RPS6KL1: variants seen among roughly 807,000 people sequenced by gnomAD.
RPS6KL1 encodes the protein ribosomal protein S6 kinase like 1, also known as ribosomal protein S6 kinase-like 1.
Under a neutral mutation model 57.0 loss-of-function variants are expected in RPS6KL1, and 41 were observed. The observed-to-expected ratio is 0.72, with a 90% CI of 0.56 to 0.93. RPS6KL1 has a LOEUF of 0.93. Among genes scored for constraint, RPS6KL1 ranks in the 40% least tolerant of loss-of-function variants. The probability of loss-of-function intolerance (pLI) is 0.00; values close to 1 mark genes in which losing one functional copy is unlikely to be tolerated. For missense variants in RPS6KL1, 697 were observed against 727.7 expected (o/e 0.96, Z 0.49); for synonymous variants, 287 against 309.7 (o/e 0.93, Z 0.77).
chr14:74,910,445 ACT>A, intron 7 of RPS6KL1: 1 of 292,726 alleles, frequency 3.4e-6, no homozygotes, highest in Non-Finnish European at 6.3e-6. Context: ...TAGTGTGAAC[ACT>A]GTTTTTAGGG....
intron 10 of RPS6KL1, 78 bp from the exon 11 acceptor site, chr14:74,907,608 T>C (rs1195894940): frequency 3.6e-6 from 5 of 1,384,252 alleles, no homozygotes; most frequent in Non-Finnish European, 4.9e-6. Flanking sequence ...AGGATTTTTT[T>C]TCCCCATGTC....
At position 74,922,190 on chromosome 14, in the gene RPS6KL1, T is replaced by C. The variant is rs1461477716; in HGVS notation, c.-233A>G. The C allele has an allele frequency of 1.0e-6, 1 of 987,288 alleles. No individual in the cohort carries two copies. The highest frequency in any genetic ancestry group is 1.2e-6 in the Non-Finnish European group (1 of 831,122). The allele number at this position is 987,288 out of a possible 1,614,324, so 61.2% of individuals were successfully genotyped here. A position where few individuals can be genotyped will look rare whatever the true frequency, so the allele number is the denominator to read the frequency against. ...AGGATATCTGTGATCCACAGCCACC[T>C]TCACAGGGCCTCCGTAGAGCAAGCT... On this transcript the variant is annotated 5_prime_UTR_variant, in exon 2 of 12. Coordinates refer to ENST00000557413, the MANE Select transcript of RPS6KL1 (RefSeq NM_031464.5).
rs1300198737 is a variant in RPS6KL1 at position 74,911,374 on chromosome 14, G to A, written c.538C>T (p.Pro180Ser). The change falls in exon 7 of 12, where the codon CCC becomes TCC. Residue 180 changes from proline to serine, a missense_variant. Transcript: ENST00000557413. ...TCCCTGCTCACCATGTGGCACCTGG[G>A]TAGGCTCTGGGAGCAGCAGGGCAGG... is the stretch of plus-strand genomic sequence containing the variant. ...TGGTFVVKSL[P>S]RCHMVSRERL... is the part of the protein sequence containing the mutation. The A allele has an allele frequency of 3.7e-6, 6 of 1,605,702 alleles. No individual in the cohort carries two copies. In the African/African-American group the frequency reaches 5.3e-5, roughly 14 times the overall value.
At chr14:74,918,466 T>C (rs1475721847) in intron 5 of RPS6KL1, 47 bp downstream of exon 5, 1 of 1,365,918 alleles carries the variant, frequency 7.3e-7, no homozygotes, top group South Asian at 1.4e-5. Flanking sequence ...CCACCCCAAA[T>C]TGCATACACT....
chr14:74,909,424 GCT>G, intron 8 of RPS6KL1, 117 bp downstream of exon 8: 1 of 1,346,684 alleles, frequency 7.4e-7, no homozygotes, highest in Non-Finnish European at 1.0e-6. Context: ...CCCCTGAAAG[GCT>G]GGCTGGGGCC....
intron 5 of RPS6KL1, among the ~76,000 whole-genome samples, chr14:74,915,305 T>C (rs984043033): frequency 5.3e-5 from 8 of 152,200 alleles, no homozygotes; most frequent in African/African-American, 1.4e-4. Context: ...GAGGATTTAA[T>C]GCCACAGCTC....
chr14:74,918,946 C>A (rs924160783), intron 4 of RPS6KL1, among the ~76,000 whole-genome samples: 2 of 152,184 alleles, frequency 1.3e-5, no homozygotes, highest in African/African-American at 2.4e-5. Flanking sequence ...GAGGCCGAGG[C>A]GGGCAGATCA....
At chr14:74,908,574 G>A (rs144043153) in intron 10 of RPS6KL1, among the ~76,000 whole-genome samples, 28 of 152,286 alleles carry the variant, frequency 1.8e-4, no homozygotes, top group East Asian at 1.7e-3. Flanking sequence ...GTCACATTCC[G>A]CGCTTCCTCC....
At chr14:74,921,685 C>T in intron 2 of RPS6KL1, 124 bp from the exon 3 acceptor site, 1 of 1,451,028 alleles carries the variant, frequency 6.9e-7, no homozygotes, top group Non-Finnish European at 9.0e-7. Context: ...GGGGTCAGAG[C>T]TAAAGTGGGT....
chr14:74,908,232 A>C (rs1442051889), intron 10 of RPS6KL1, among the ~76,000 whole-genome samples: 1 of 152,180 alleles, frequency 6.6e-6, no homozygotes, highest in African/African-American at 2.4e-5. Context: ...GCTCAAATGC[A>C]ATTTGGCCTC....
chr14:74,907,571 AGG>A, intron 10 of RPS6KL1, 41 bp from the exon 11 acceptor site: 2 of 1,535,132 alleles, frequency 1.3e-6, no homozygotes, highest in African/African-American at 2.7e-5. Flanking sequence ...AGGCAACCCC[AGG>A]ACCGTCTACA....
intron 9 of RPS6KL1, 60 bp downstream of exon 9, chr14:74,909,041 G>A: frequency 6.3e-7 from 1 of 1,588,930 alleles, no homozygotes; most frequent in Middle Eastern, 1.7e-4. Context: ...CAGACTCTGG[G>A]CACAACCCAC....
In RPS6KL1 at chr14:74,906,423, TG is replaced by T. The variant is rs1884863287; in HGVS notation, c.*590del. The T allele has an allele frequency of 5.1e-6, 1 of 196,430 alleles. No individual in the cohort carries two copies. The highest frequency in any genetic ancestry group is 2.8e-5 in the South Asian group (1 of 35,416). 12.2% of individuals were successfully genotyped at this position (196,430 alleles called of 1,614,324 possible). A position where few individuals can be genotyped will look rare whatever the true frequency, so the allele number is the denominator to read the frequency against. ...GGAATCGGGGGTGGGGGGGTGGGGG[TG>T]GGGGTCATCCTGTCCCCTACCTCAT... On this transcript the variant is annotated 3_prime_UTR_variant, in exon 12 of 12. Transcript: ENST00000557413.
chr14:74,910,018 A>C lies in RPS6KL1; in HGVS notation c.795T>G (p.Leu265=). ...CCTGGCCAGGGGCATGGCCTGAGGGAAGCCTCGCTGGGGTCAGGAGGTTGA... is the reference window on the plus strand; with the variant it reads ...CCTGGCCAGGGGCATGGCCTGAGGGCAGCCTCGCTGGGGTCAGGAGGTTGA... ...PHLNLLTPAR[L]PSGHAPGQDR... Residue 265 remains leucine (L), a synonymous_variant, in exon 8 of 12, where the codon CTT becomes CTG. Transcript: ENST00000557413. 1 of 1,613,796 alleles carries C rather than the reference A, an allele frequency of 6.2e-7. No individual in the cohort carries two copies. Among genetic ancestry groups the C allele is most frequent in the Non-Finnish European group, 8.5e-7 (1 of 1,179,890 alleles).
chr14:74,907,348 C>T (rs1342838241), intron 11 of RPS6KL1, 87 bp downstream of exon 11: 21 of 1,506,536 alleles, frequency 1.4e-5, no homozygotes, highest in Middle Eastern at 4.4e-4. Context: ...GAGCACGAAG[C>T]ACACGTGGTT....
At chr14:74,909,255 G>T in intron 8 of RPS6KL1, 65 bp from the exon 9 acceptor site, 1 of 1,491,158 alleles carries the variant, frequency 6.7e-7, no homozygotes, top group Non-Finnish European at 9.3e-7. Flanking sequence ...GGAGGGGGTT[G>T]CAGGGCTTCC....
chr14:74,911,203 C>A (rs1235509195), intron 7 of RPS6KL1, 45 bp downstream of exon 7: 1 of 1,594,790 alleles, frequency 6.3e-7, no homozygotes, highest in Admixed American at 1.7e-5. Flanking sequence ...TGACGACATA[C>A]CCCAAAGGCC....
In RPS6KL1 at chr14:74,906,584, A is replaced by G; in HGVS notation, c.*430T>C. The G allele has an allele frequency of 1.9e-6, 1 of 530,510 alleles. No homozygotes were observed. The highest frequency in any genetic ancestry group is 3.9e-6 in the Non-Finnish European group (1 of 258,852). 32.9% of individuals were successfully genotyped at this position (530,510 alleles called of 1,614,324 possible). A position where few individuals can be genotyped will look rare whatever the true frequency, so the allele number is the denominator to read the frequency against. On this transcript the variant is annotated 3_prime_UTR_variant, in exon 12 of 12. Transcript: ENST00000557413. ...CAGTCTGGTTTGGGTCCACTGAGCC[A>G]GTGGATCAGTGTCCTGAGATGAGTC... is the stretch of plus-strand genomic sequence containing the variant.
chr14:74,909,469 G>A lies in RPS6KL1; in HGVS notation c.1270+74C>T, dbSNP rs143858086. On this transcript the variant is annotated intron_variant, in intron 8 of 11. Transcript: ENST00000557413. ...AGCAGACAACCTTGGAGGTCCCCTC[G>A]ACTTTGGGGATCTCTCGTCCTCTGC... 2.6e-3 allele frequency: 3,938 copies of A among 1,508,332 alleles called. 7 individuals carry two copies. Among genetic ancestry groups the A allele is most frequent in the Middle Eastern group, 5.4e-3 (22 of 4,064 alleles). 93.4% of individuals were successfully genotyped at this position (1,508,332 alleles called of 1,614,324 possible). A position where few individuals can be genotyped will look rare whatever the true frequency, so the allele number is the denominator to read the frequency against.
Sources: allele counts gnomAD v4.1 joint callset (sites outside exome capture counted in the v4.1 genomes callset), GRCh38; gene constraint gnomAD v4.1.1; transcripts MANE v1.5; gene names NCBI Gene and HGNC (gene_info 2026-07-23, HGNC 2026-07-21).